MGST1: variants seen among roughly 807,000 people sequenced by gnomAD.
MGST1 encodes the protein glutathione S-transferase 12.
A neutral mutation model predicts 8.9 loss-of-function variants in MGST1; 5 were observed. That is an observed-to-expected ratio of 0.56 (90% CI 0.29 to 1.19). MGST1 has a LOEUF of 1.19. MGST1 is among the 50% of genes most tolerant of loss of function. MGST1 has a pLI of 0.08. For missense variants in MGST1, 182 were observed against 187.4 expected (o/e 0.97, Z 0.17); for synonymous variants, 54 against 67.8 (o/e 0.80, Z 1.00).
intron 1 of MGST1, among the ~76,000 whole-genome samples, chr12:16,436,314 T>G (rs1940986545): frequency 6.6e-6 from 1 of 151,970 alleles, no homozygotes; most frequent in African/African-American, 2.4e-5. Context: ...AGCATTTTAT[T>G]ATCTACTTAG....
rs939414959 is a variant in MGST1 at position 16,362,295 on chromosome 12, C to T, written c.222-1500C>T. Among the ~76,000 whole-genome samples the T allele has an allele frequency of 6.6e-6, 1 of 152,102 alleles. No individual in the cohort carries two copies. Among genetic ancestry groups the T allele is most frequent in the Non-Finnish European group, 1.5e-5 (1 of 68,024 alleles). On this transcript the variant is annotated intron_variant, in intron 3 of 3. Coordinates refer to ENST00000396210, the MANE Select transcript of MGST1 (RefSeq NM_020300.5). The surrounding 1 kb of genome is among the most constrained non-coding windows in gnomAD (Gnocchi z 4.4). ...AGAGAGGGCACAGGAACACTCACAC[C>T]ATCCTCTCTTTGCTTTTATTCTGTA...
chr12:16,416,979 G>A (rs1026130563), intron 1 of MGST1, among the ~76,000 whole-genome samples: 1 of 152,152 alleles, frequency 6.6e-6, no homozygotes, highest in African/African-American at 2.4e-5. Flanking sequence ...AATGGGCCAA[G>A]TTATTTAGCC....
chr12:16,479,022 G>T (rs530975422), intron 4 of MGST1, among the ~76,000 whole-genome samples: 1 of 151,766 alleles, frequency 6.6e-6, no homozygotes, highest in African/African-American at 2.4e-5. Context: ...GAATTTACCC[G>T]TTCTGGGTAT....
In MGST1 at chr12:16,354,241, A is replaced by T. The variant is rs1939604326; in HGVS notation, c.-12A>T. ...TTAAATCTTTTTAAGATTCCAGACCAAAATTGAAAAAATGGTTGACCTCAC... is the reference window on the plus strand; with the variant it reads ...TTAAATCTTTTTAAGATTCCAGACCTAAATTGAAAAAATGGTTGACCTCAC... On this transcript the variant is annotated 5_prime_UTR_variant, in exon 2 of 4. Transcript: ENST00000396210. 6.4e-7 allele frequency: 1 copy of T among 1,570,740 alleles called. No individual in the cohort carries two copies. Among genetic ancestry groups the T allele is most frequent in the East Asian group, 2.3e-5 (1 of 43,892 alleles).
chr12:16,556,158 T>G (rs1333232660), intron 4 of MGST1, among the ~76,000 whole-genome samples: 2 of 152,224 alleles, frequency 1.3e-5, no homozygotes, highest in Non-Finnish European at 2.9e-5. Flanking sequence ...TGGGAAAATT[T>G]CATCACAAGC....
At chr12:16,484,048 C>T (rs1197167814) in intron 4 of MGST1, among the ~76,000 whole-genome samples, 1 of 152,180 alleles carries the variant, frequency 6.6e-6, no homozygotes. Flanking sequence ...AGAAAGATAA[C>T]TACGTATGCC....
At chr12:16,395,441 G>A (rs974461732) in intron 1 of MGST1, among the ~76,000 whole-genome samples, 4 of 151,930 alleles carry the variant, frequency 2.6e-5, no homozygotes, top group African/African-American at 7.3e-5. Context: ...ATTTCCATAG[G>A]TTTTTGGGGA....
At chr12:16,533,563 ATTAC>A (rs1387176706) in intron 4 of MGST1, among the ~76,000 whole-genome samples, 2 of 152,108 alleles carry the variant, frequency 1.3e-5, no homozygotes, top group African/African-American at 2.4e-5. Context: ...TCAGTCATAA[ATTAC>A]TTATCTGGAG....
chr12:16,589,830 G>C (rs1269005575), downstream of MGST1, among the ~76,000 whole-genome samples: 1 of 152,062 alleles, frequency 6.6e-6, no homozygotes, highest in Non-Finnish European at 1.5e-5. This position sits in a 1 kb window ranked among gnomAD's most constrained non-coding sequence, Gnocchi z 4.2. Context: ...GGGACTGTTA[G>C]AAATTGTAAC....
intron 4 of MGST1, among the ~76,000 whole-genome samples, chr12:16,489,557 T>C (rs1941423536): frequency 6.6e-6 from 1 of 152,152 alleles, no homozygotes; most frequent in Admixed American, 6.5e-5. Context: ...GGGGCAGAAA[T>C]TTTTTCTCCT....
chr12:16,371,904 A>G (rs1015454140), intron 3 of MGST1, among the ~76,000 whole-genome samples: 3 of 152,098 alleles, frequency 2.0e-5, no homozygotes, highest in Admixed American at 6.6e-5. Context: ...ACTCATTTTT[A>G]ACAAAGGTAC....
chr12:16,474,997 T>A lies in MGST1; in HGVS notation n.482+91393T>A, dbSNP rs188554971. Among the ~76,000 whole-genome samples the A allele has an allele frequency of 3.9e-5, 6 of 152,260 alleles. No homozygotes were observed. The East Asian group carries it at 1.2e-3, about 29-fold the overall frequency. On this transcript the variant is annotated intron_variant and non_coding_transcript_variant, in intron 4 of 4. Coordinates refer to the MGST1 transcript ENST00000538857. ...ACCGGTGCAGTAGGCTAATGCACCA[T>A]GTGAACAGGCATCTCAGGGAGAGTC...
rs541976171 is a variant in MGST1 at position 16,500,033 on chromosome 12, A to G, written n.483-89495A>G. 3.6e-3 allele frequency among the ~76,000 whole-genome samples: 544 copies of G among 152,354 alleles called. 2 individuals carry two copies. The highest frequency in any genetic ancestry group is 6.1e-3 in the Non-Finnish European group (417 of 68,028). On this transcript the variant is annotated intron_variant and non_coding_transcript_variant, in intron 4 of 4. Transcript: ENST00000538857. This position sits in a 1 kb window ranked among gnomAD's most constrained non-coding sequence, Gnocchi z 4.3. The stretch of plus-strand genomic sequence containing the variant: ...TTTAAAGGACAGTCTTAGAATTTCA[A>G]GGAAGCTAGAATTCCAGGGGATAGT...
intron 4 of MGST1, among the ~76,000 whole-genome samples, chr12:16,563,290 T>C (rs1942468135): frequency 1.3e-5 from 2 of 152,170 alleles, no homozygotes; most frequent in African/African-American, 4.8e-5. Flanking sequence ...GATCATTCTA[T>C]AGCTACATTC....
intron 4 of MGST1, among the ~76,000 whole-genome samples, chr12:16,462,349 A>T (rs1941226993): frequency 6.6e-6 from 1 of 152,076 alleles, no homozygotes; most frequent in Non-Finnish European, 1.5e-5. Flanking sequence ...TCATAAGGTT[A>T]TAATAAGTCC....
intron 1 of MGST1, among the ~76,000 whole-genome samples, chr12:16,351,002 T>G (rs1238606705): frequency 6.6e-6 from 1 of 152,136 alleles, no homozygotes; most frequent in Non-Finnish European, 1.5e-5. Flanking sequence ...AGGCTGCCAT[T>G]TTTTTCTCTA....
chr12:16,563,743 C>T (rs1942486164), intron 4 of MGST1, among the ~76,000 whole-genome samples: 1 of 152,080 alleles, frequency 6.6e-6, no homozygotes, highest in Non-Finnish European at 1.5e-5. Context: ...TAGTCGTACA[C>T]TGAGACAGAC....
intron 4 of MGST1, among the ~76,000 whole-genome samples, chr12:16,504,330 G>C (rs531868137): frequency 3.9e-5 from 6 of 152,248 alleles, no homozygotes; most frequent in African/African-American, 1.4e-4. Flanking sequence ...AAAATTCACA[G>C]TACCACTTTT....
chr12:16,484,914 T>G (rs1941389471), intron 4 of MGST1, among the ~76,000 whole-genome samples: 1 of 152,194 alleles, frequency 6.6e-6, no homozygotes, highest in South Asian at 2.1e-4. Flanking sequence ...TAAAAGCAGA[T>G]TGCACCTAAA....
Sources: gnomAD v4.1 joint callset for allele counts (sites outside exome capture counted in the v4.1 genomes callset) on GRCh38, gnomAD v4.1.1 for gene constraint, Gnocchi (gnomAD v3.1) non-coding constraint, MANE v1.5 for transcripts, NCBI Gene and HGNC (gene_info 2026-07-23, HGNC 2026-07-21) for gene names.